The following VPS39 variants were observed in gnomAD, a reference collection of about 807,000 sequenced individuals.
The protein encoded by VPS39 is VPS39 subunit of HOPS complex, also known as vam6/Vps39-like protein.
A neutral mutation model predicts 121.0 loss-of-function variants in VPS39; 70 were observed. The observed-to-expected ratio is 0.58, with a 90% CI of 0.48 to 0.71. The LOEUF (loss-of-function observed/expected upper bound fraction) is 0.71, where lower values mean the gene tolerates loss of function less well. Ranked by LOEUF, VPS39 falls within the 30% of genes least tolerant of loss-of-function variation. The pLI, the probability that VPS39 is intolerant of heterozygous loss-of-function variation, is 0.00. For synonymous variants in VPS39, 378 were observed against 398.1 expected (o/e 0.95, Z 0.60); for missense variants, 818 against 1,051.5 (o/e 0.78, Z 3.07).
At position 42,167,471 on chromosome 15, in the gene VPS39, C is replaced by T. The variant is rs1595644309; in HGVS notation, c.1300G>A (p.Glu434Lys). The T allele has an allele frequency of 1.2e-6, 2 of 1,614,146 alleles. No homozygotes were observed. The highest frequency in any genetic ancestry group is 1.7e-5 in the Admixed American group (1 of 60,016). Residue 434 changes from glutamate (E) to lysine (K), a missense_variant, in exon 13 of 25, where the codon GAA becomes AAA. By Grantham distance (56) the Glu-to-Lys change is moderately conservative. Coordinates refer to ENST00000318006, the MANE Select transcript of VPS39 (RefSeq NM_015289.5). ...DHQSSTSPLM[E>K]GTPTIKSKKK... ...TTGGATTTGATGGTGGGAGTGCCTT[C>T]CATGAGCGGTGAGGTGCTTGACTGG...
chr15:42,199,830 G>A (rs1215264298), intron 2 of VPS39, 66 bp downstream of exon 2: 1 of 1,486,658 alleles, frequency 6.7e-7, no homozygotes, highest in Non-Finnish European at 9.0e-7. Flanking sequence ...AGGAATAACT[G>A]ATTTCACAGT....
chr15:42,202,050 T>C (rs2050078845), intron 1 of VPS39, among the ~76,000 whole-genome samples: 1 of 152,208 alleles, frequency 6.6e-6, no homozygotes, highest in South Asian at 2.1e-4. Flanking sequence ...GTCACACATG[T>C]GGCAAGCAGC....
chr15:42,197,518 A>C (rs1325846517), intron 2 of VPS39, among the ~76,000 whole-genome samples: 1 of 152,010 alleles, frequency 6.6e-6, no homozygotes, highest in Non-Finnish European at 1.5e-5. Context: ...GCGCCACTAC[A>C]CTCCAGCCTA....
At chr15:42,179,618 T>TA (rs1357311064) in intron 8 of VPS39, among the ~76,000 whole-genome samples, 2 of 113,060 alleles carry the variant, frequency 1.8e-5, no homozygotes, top group African/African-American at 6.9e-5. Context: ...AATAAATAAA[T>TA]AAATAAAATA....
chr15:42,167,341 C>T, intron 13 of VPS39, 53 bp downstream of exon 13: 3 of 1,602,844 alleles, frequency 1.9e-6, no homozygotes, highest in Non-Finnish European at 2.6e-6. Flanking sequence ...TTTACTTTCC[C>T]AGACTGTCAG....
intron 8 of VPS39, among the ~76,000 whole-genome samples, chr15:42,181,411 G>C (rs1048161844): frequency 1.3e-5 from 2 of 152,112 alleles, no homozygotes; most frequent in African/African-American, 4.8e-5. Context: ...GAGAAGAACT[G>C]AGGAGTTGTT....
At chr15:42,165,150 C>G (rs754106542) in intron 17 of VPS39, 37 bp from the exon 18 acceptor site, 1 of 1,596,668 alleles carries the variant, frequency 6.3e-7, no homozygotes, top group South Asian at 1.1e-5. Context: ...CTGGTATTCT[C>G]CAGGCTGTGA....
intron 10 of VPS39, among the ~76,000 whole-genome samples, chr15:42,175,556 C>T (rs2049436110): frequency 6.6e-6 from 1 of 152,140 alleles, no homozygotes; most frequent in Non-Finnish European, 1.5e-5. Flanking sequence ...CCCCTTATAC[C>T]TCTTTAGCCA....
intron 23 of VPS39, 46 bp from the exon 24 acceptor site, chr15:42,161,819 C>A (rs373700662): frequency 6.8e-6 from 11 of 1,607,956 alleles, no homozygotes; most frequent in Non-Finnish European, 9.4e-6. Context: ...AGTGTGGCAC[C>A]CAGAAACAGG....
intron 4 of VPS39, among the ~76,000 whole-genome samples, chr15:42,189,678 A>G (rs2049780188): frequency 7.9e-6 from 1 of 126,822 alleles, no homozygotes; most frequent in South Asian, 2.7e-4. Flanking sequence ...GCAGTGAGCC[A>G]GGGCTGCACC....
At chr15:42,163,321 G>T in intron 21 of VPS39, 29 bp downstream of exon 21, 1 of 1,614,006 alleles carries the variant, frequency 6.2e-7, no homozygotes, top group Non-Finnish European at 8.5e-7. Flanking sequence ...GTATGCACAC[G>T]TGCTCCCTGG....
intron 2 of VPS39, among the ~76,000 whole-genome samples, chr15:42,194,623 C>T (rs1400666506): frequency 1.3e-5 from 2 of 151,822 alleles, no homozygotes; most frequent in African/African-American, 2.4e-5. Context: ...GTCCTAGCTG[C>T]TTGAGAGGCT....
At chr15:42,194,705 T>C (rs1221624951) in intron 2 of VPS39, among the ~76,000 whole-genome samples, 1 of 151,938 alleles carries the variant, frequency 6.6e-6, no homozygotes, top group Non-Finnish European at 1.5e-5. Flanking sequence ...TGCACTCTAG[T>C]CTGAGTGACA....
rs188378711 is a variant in VPS39, at chr15:42,201,633, A to T, written c.74-1672T>A. 3.3e-5 allele frequency among the ~76,000 whole-genome samples: 5 copies of T among 152,332 alleles called. No homozygotes were observed. The East Asian group carries it at 9.6e-4, about 29-fold the overall frequency. On this transcript the variant is annotated intron_variant, in intron 1 of 24. Coordinates refer to ENST00000318006, the MANE Select transcript of VPS39 (RefSeq NM_015289.5). ...AGGCCCAGGAATTTTCATTTCTAAC[A>T]ACTTCCCAGATGATGCTGATGCTGG...
At chr15:42,185,321 G>A (rs1566903156) in intron 7 of VPS39, among the ~76,000 whole-genome samples, 1 of 151,820 alleles carries the variant, frequency 6.6e-6, no homozygotes, top group African/African-American at 2.4e-5. Flanking sequence ...TGGAACTACA[G>A]GCGTGTGCCA....
intron 2 of VPS39, chr15:42,199,670 C>A: frequency 1.9e-6 from 1 of 535,108 alleles, no homozygotes; most frequent in South Asian, 2.1e-5. Context: ...ATAAGTAATT[C>A]AGTAATAAGT....
Position 42,196,294 on chromosome 15 carries a change from T to C in VPS39, c.139+3602A>G, listed in dbSNP as rs539434930. Among the ~76,000 whole-genome samples the C allele has an allele frequency of 6.3e-3, 962 of 152,064 alleles. 14 individuals carry two copies. Among genetic ancestry groups the C allele is most frequent in the African/African-American group, 0.022 (918 of 41,446 alleles). ...TTCATGTCTAAAACACCAAAAGCAA[T>C]GGCAACAAAAGCCAAAATTGACAAA... On this transcript the variant is annotated intron_variant, in intron 2 of 24. Transcript: ENST00000318006.
At position 42,178,252 on chromosome 15, in the gene VPS39, T is replaced by C. The variant is rs2049497807; in HGVS notation, c.926A>G (p.Gln309Arg). 1 of 1,614,088 alleles carries C rather than the reference T, an allele frequency of 6.2e-7. No individual in the cohort carries two copies. Residue 309 changes from glutamine (Q) to arginine (R), a missense_variant, in exon 10 of 25, where the codon CAG becomes CGG. Physicochemically the swap from Gln to Arg is conservative, Grantham distance 43. Transcript: ENST00000318006. Reference protein sequence around the residue: ...PMATQIQQLLQDKQFELALQL... With the variant: ...PMATQIQQLLRDKQFELALQL... ...CAGAGCCAATTCAAACTGCTTGTCC[T>C]GGAGAAGTTGTTGGATTTGGGTTGC...
chr15:42,164,574 G>A, intron 18 of VPS39, 88 bp from the exon 19 acceptor site: 1 of 1,542,976 alleles, frequency 6.5e-7, no homozygotes, highest in Non-Finnish European at 8.7e-7. Flanking sequence ...TGGGGTTCAA[G>A]GATGTCACCA....
Sources: allele counts gnomAD v4.1 joint callset (sites outside exome capture counted in the v4.1 genomes callset), GRCh38; gene constraint gnomAD v4.1.1; transcripts MANE v1.5; gene names NCBI Gene and HGNC (gene_info 2026-07-23, HGNC 2026-07-21).